The following HIVEP3 variants were observed in gnomAD, a reference collection of about 807,000 sequenced individuals.
HIVEP3 encodes the protein transcription factor HIVEP3.
HIVEP3 carries 49 observed loss-of-function variants against 152.8 expected under a neutral mutation model. That is an observed-to-expected ratio of 0.32 (90% confidence interval 0.26 to 0.41). The LOEUF (loss-of-function observed/expected upper bound fraction) is 0.41. HIVEP3 is among the 10% of genes least tolerant of loss of function. HIVEP3 has a pLI of 1.00. For synonymous variants in HIVEP3, 1,269 were observed against 1,289.0 expected, an observed-to-expected ratio of 0.98 and a Z score of 0.33; for missense variants, 2,790 against 3,103.3, an observed-to-expected ratio of 0.90 and a Z score of 2.40.
intron 1 of HIVEP3, among the ~76,000 whole-genome samples, chr1:41,743,529 C>T (rs990071224): frequency 1.3e-5 from 2 of 152,186 alleles, no homozygotes; most frequent in Admixed American, 6.5e-5. Flanking sequence ...GTTTGCTATG[C>T]AGCTCCAAAC....
chr1:41,815,617 G>A (rs1365493267), intron 1 of HIVEP3, among the ~76,000 whole-genome samples: 2 of 152,220 alleles, frequency 1.3e-5, no homozygotes. Context: ...GGAAGATAGG[G>A]AGGCTGACCC....
At chr1:41,551,030 A>G (rs1643888360) in intron 5 of HIVEP3, among the ~76,000 whole-genome samples, 1 of 152,052 alleles carries the variant, frequency 6.6e-6, no homozygotes, top group Admixed American at 6.5e-5. Flanking sequence ...AATAGCTCTT[A>G]TTATTTTGAG....
At chr1:41,804,602 G>A (rs1388080070) in intron 1 of HIVEP3, among the ~76,000 whole-genome samples, 2 of 152,210 alleles carry the variant, frequency 1.3e-5, no homozygotes. Context: ...GAGAGAGAGG[G>A]AAGGGATTTA....
At chr1:41,555,257 G>A (rs985793202) in intron 5 of HIVEP3, among the ~76,000 whole-genome samples, 4 of 152,244 alleles carry the variant, frequency 2.6e-5, no homozygotes, top group Non-Finnish European at 5.9e-5. Flanking sequence ...TCAGACTGCT[G>A]CATTAGCAGT....
intron 5 of HIVEP3, chr1:41,543,333 G>A (rs636850): frequency 0.26 from 39,275 of 152,106 alleles, 5,318 homozygotes; most frequent in East Asian, 0.46. Flanking sequence ...GAGGTAGGCA[G>A]GGTGAAAAAT....
intron 3 of HIVEP3, among the ~76,000 whole-genome samples, chr1:41,626,806 C>T (rs1407584522): frequency 6.6e-6 from 1 of 152,146 alleles, no homozygotes; most frequent in African/African-American, 2.4e-5. Context: ...AACATGTGGA[C>T]ATTCCTGGGG....
intron 1 of HIVEP3, among the ~76,000 whole-genome samples, chr1:41,871,641 A>T (rs1644081909): frequency 6.6e-6 from 1 of 152,268 alleles, no homozygotes; most frequent in Admixed American, 6.5e-5. Flanking sequence ...GATCAGGTTG[A>T]TCTGCTGAAA....
intron 1 of HIVEP3, among the ~76,000 whole-genome samples, chr1:41,809,879 C>T (rs1348648669): frequency 2.0e-5 from 3 of 152,174 alleles, no homozygotes; most frequent in African/African-American, 7.2e-5. Flanking sequence ...CGAGTCCATG[C>T]TTGACTGGGG....
At chr1:41,857,981 CAA>C (rs1419085179) in intron 1 of HIVEP3, among the ~76,000 whole-genome samples, 2 of 137,624 alleles carry the variant, frequency 1.5e-5, no homozygotes, top group Non-Finnish European at 3.1e-5. Flanking sequence ...ATCAATCAAT[CAA>C]TCTCTCTCTC....
intron 2 of HIVEP3, among the ~76,000 whole-genome samples, chr1:41,691,203 T>A (rs1244559140): frequency 6.6e-6 from 1 of 152,254 alleles, no homozygotes; most frequent in East Asian, 1.9e-4. Flanking sequence ...GAATATGGAT[T>A]TTTATCTTGA....
chr1:41,518,242 T>C (rs1013232845), intron 7 of HIVEP3, among the ~76,000 whole-genome samples, 160 bp downstream of exon 7: 8 of 151,802 alleles, frequency 5.3e-5, no homozygotes, highest in African/African-American at 1.9e-4. Flanking sequence ...TGTCTGATAC[T>C]TGGGAGAACT....
At position 41,573,229 on chromosome 1, in the gene HIVEP3, TG is replaced by T. The variant is rs1234822582; in HGVS notation, c.5207+2314del. On this transcript the variant is annotated intron_variant, in intron 5 of 8. Transcript: ENST00000372583. ...GGAGTGTGCCCAGTGATTCTGGGTG[TG>T]GGCACTCTTGGCAATTTGGGGGAAC... is the stretch of plus-strand genomic sequence containing the variant. Among the ~76,000 whole-genome samples the T allele has an allele frequency of 7.2e-5, 11 of 152,266 alleles. No homozygotes were observed. The East Asian group carries it at 1.5e-3, about 21-fold the overall frequency.
chr1:41,928,879 C>T (rs1217117591), intron 1 of HIVEP3, among the ~76,000 whole-genome samples: 1 of 152,122 alleles, frequency 6.6e-6, no homozygotes, highest in Non-Finnish European at 1.5e-5. Context: ...GGTGAGGTGG[C>T]TCACATCTGT....
intron 3 of HIVEP3, among the ~76,000 whole-genome samples, chr1:41,608,776 C>A (rs929755292): frequency 4.6e-5 from 7 of 152,068 alleles, no homozygotes; most frequent in African/African-American, 1.4e-4. Context: ...GTCATCCTTT[C>A]AAAAATGGCT....
intron 3 of HIVEP3, among the ~76,000 whole-genome samples, chr1:41,612,809 T>C (rs1644917221): frequency 6.6e-6 from 1 of 152,220 alleles, no homozygotes; most frequent in Non-Finnish European, 1.5e-5. Flanking sequence ...GGTACCACAG[T>C]GCCAGCCCCT....
intron 1 of HIVEP3, among the ~76,000 whole-genome samples, chr1:41,951,945 A>G (rs903079125): frequency 2.6e-5 from 4 of 152,202 alleles, no homozygotes; most frequent in African/African-American, 9.7e-5. Flanking sequence ...ATATTTAAAT[A>G]GTAAGTAACC....
At chr1:41,705,763 G>A (rs950119439) in intron 1 of HIVEP3, among the ~76,000 whole-genome samples, 6 of 152,142 alleles carry the variant, frequency 3.9e-5, no homozygotes, top group African/African-American at 1.4e-4. Flanking sequence ...ACACTTCTGG[G>A]TGTAGTCATC....
intron 5 of HIVEP3, among the ~76,000 whole-genome samples, chr1:41,562,536 T>TCCTTCCTCCCTTCCCTTC (rs1553227769): frequency 1.3e-3 from 83 of 64,740 alleles, no homozygotes; most frequent in Non-Finnish European, 3.6e-3. Context: ...TCCCTTCCCT[T>TCCTTCCTCCCTTCCCTTC]CCTTCCTTCC....
intron 1 of HIVEP3, among the ~76,000 whole-genome samples, chr1:41,994,491 G>A (rs1340416167): frequency 6.6e-6 from 1 of 152,166 alleles, no homozygotes; most frequent in African/African-American, 2.4e-5. Flanking sequence ...CCCCCATGCT[G>A]TTCTCATGAT....
Sources: gnomAD v4.1 joint callset for allele counts (sites outside exome capture counted in the v4.1 genomes callset) on GRCh38, gnomAD v4.1.1 for gene constraint, MANE v1.5 for transcripts, NCBI Gene and HGNC (gene_info 2026-07-23, HGNC 2026-07-21) for gene names.